ALMS1: variants seen among roughly 807,000 people sequenced by gnomAD.
ALMS1 encodes ALMS1 centrosome and basal body associated protein, also known as centrosome-associated protein ALMS1.
A neutral mutation model predicts 352.2 loss-of-function variants in ALMS1; 271 were observed. That is an observed-to-expected ratio of 0.77 (90% confidence interval 0.70 to 0.85). The LOEUF is 0.85. ALMS1 is among the 40% of genes least tolerant of loss of function. The pLI is 0.00. For synonymous variants in ALMS1, 1,865 were observed against 1,761.2 expected (o/e 1.06, Z -1.48); for missense variants, 5,445 against 4,870.7 (o/e 1.12, Z -3.51).
At chr2:73,416,756 A>G (rs906987386) in intron 2 of ALMS1, among the ~76,000 whole-genome samples, 3 of 150,170 alleles carry the variant, frequency 2.0e-5, no homozygotes, top group African/African-American at 4.9e-5. Flanking sequence ...ATATAATGCC[A>G]CTTTCTCATG....
intron 6 of ALMS1, among the ~76,000 whole-genome samples, chr2:73,431,029 G>A (rs1050386419): frequency 6.6e-6 from 1 of 152,098 alleles, no homozygotes; most frequent in Non-Finnish European, 1.5e-5. Context: ...CTTCTTAGCA[G>A]CCTTATCATT....
chr2:73,556,650 T>G (rs1483458376), intron 13 of ALMS1, among the ~76,000 whole-genome samples: 1 of 151,770 alleles, frequency 6.6e-6, no homozygotes, highest in East Asian at 1.9e-4. Flanking sequence ...TTTTTGTTTT[T>G]TTTTTTACTG....
chr2:73,587,484 A>G (rs189572302), intron 16 of ALMS1, among the ~76,000 whole-genome samples: 23 of 152,290 alleles, frequency 1.5e-4, no homozygotes, highest in South Asian at 1.4e-3. Context: ...TTTTAATTAT[A>G]AAGTGATGCT....
chr2:73,488,431 C>T (rs924455069), intron 9 of ALMS1, among the ~76,000 whole-genome samples: 2 of 152,208 alleles, frequency 1.3e-5, no homozygotes, highest in African/African-American at 2.4e-5. Context: ...TGGGAGCAGG[C>T]ACTTCTGAGC....
At chr2:73,545,367 G>GA (rs1045007378) in intron 12 of ALMS1, among the ~76,000 whole-genome samples, 3 of 151,984 alleles carry the variant, frequency 2.0e-5, no homozygotes, top group African/African-American at 7.3e-5. Flanking sequence ...TTTTAGCAGA[G>GA]ATGGGGTTTC....
intron 1 of ALMS1, among the ~76,000 whole-genome samples, chr2:73,399,322 AT>A (rs1558630082): frequency 6.6e-6 from 1 of 152,086 alleles, no homozygotes; most frequent in African/African-American, 2.4e-5. Flanking sequence ...TTGTGTTGCT[AT>A]GAAGAAACAC....
intron 9 of ALMS1, among the ~76,000 whole-genome samples, chr2:73,464,194 C>CA (rs1248303996): frequency 6.6e-6 from 1 of 152,136 alleles, no homozygotes; most frequent in Admixed American, 6.5e-5. Flanking sequence ...CAAAAATCCT[C>CA]AATAAAATAC....
chr2:73,558,285 G>T (rs1054317575), intron 14 of ALMS1, among the ~76,000 whole-genome samples: 5 of 152,320 alleles, frequency 3.3e-5, no homozygotes, highest in African/African-American at 1.2e-4. Flanking sequence ...AAACATTTTA[G>T]AACATGATTA....
At chr2:73,417,625 C>G (rs1671202921) in intron 2 of ALMS1, among the ~76,000 whole-genome samples, 1 of 151,512 alleles carries the variant, frequency 6.6e-6, no homozygotes, top group African/African-American at 2.4e-5. Context: ...CGCTTTAGCC[C>G]AGAGTTTGAG....
chr2:73,563,549 C>T (rs186605338), intron 15 of ALMS1, among the ~76,000 whole-genome samples: 31 of 151,696 alleles, frequency 2.0e-4, no homozygotes, highest in African/African-American at 7.0e-4. Flanking sequence ...GGTGGAACCC[C>T]GTCTCTACTA....
chr2:73,437,514 A>G (rs574729736), intron 7 of ALMS1, among the ~76,000 whole-genome samples: 1 of 152,298 alleles, frequency 6.6e-6, no homozygotes, highest in East Asian at 1.9e-4. Flanking sequence ...GCTAACATCA[A>G]CAGCCAGTGT....
At chr2:73,480,723 C>T (rs1672682082) in intron 9 of ALMS1, among the ~76,000 whole-genome samples, 3 of 149,972 alleles carry the variant, frequency 2.0e-5, no homozygotes, top group Admixed American at 6.7e-5. Flanking sequence ...TTCTCCACAT[C>T]CTCTCCAGCA....
At chr2:73,523,443 G>A (rs1194763441) in intron 11 of ALMS1, among the ~76,000 whole-genome samples, 1 of 152,062 alleles carries the variant, frequency 6.6e-6, no homozygotes, top group African/African-American at 2.4e-5. Context: ...AGTTGCCAAA[G>A]ATGGTGACAC....
In ALMS1 at chr2:73,573,335, C is replaced by G; in HGVS notation, c.11458C>G (p.Leu3820Val). 1 of 1,614,034 alleles carries G rather than the reference C, an allele frequency of 6.2e-7. No individual in the cohort carries two copies. Among genetic ancestry groups the G allele is most frequent in the African/African-American group, 1.3e-5 (1 of 75,006 alleles). The stretch of plus-strand genomic sequence containing the variant: ...CATCACCAACCAACAGAGGAGATAC[C>G]TTGAGAAGCGGAGCAAACACAGCAA... ...SSITNQQRRY[L>V]EKRSKHSKKV... The change falls in exon 16 of 23, where the codon CTT becomes GTT. Residue 3820 changes from leucine (L) to valine (V), a missense_variant. Leu to Val is a conservative substitution (Grantham distance 32, BLOSUM62 1). Transcript: ENST00000613296.
At chr2:73,508,777 G>GT (rs1420287727) in intron 10 of ALMS1, among the ~76,000 whole-genome samples, 1 of 152,118 alleles carries the variant, frequency 6.6e-6, no homozygotes, top group African/African-American at 2.4e-5. Flanking sequence ...GAATATCCTT[G>GT]TTAATTTTCT....
Position 73,453,495 on chromosome 2 carries a change from C to T in ALMS1, c.6968C>T (p.Thr2323Ile), listed in dbSNP as rs1671994565. The T allele has an allele frequency of 6.2e-7, 1 of 1,613,448 alleles. No homozygotes were observed. Among genetic ancestry groups the T allele is most frequent in the African/African-American group, 1.3e-5 (1 of 74,882 alleles). Residue 2323 changes from threonine (T) to isoleucine (I), a missense_variant, in exon 8 of 23, where the codon ACA becomes ATA. Thr to Ile is a moderately conservative substitution (Grantham distance 89). Coordinates refer to ENST00000613296, the MANE Select transcript of ALMS1 (RefSeq NM_001378454.1). ...NGDLLHRQPFTEESPSSRCIQ... is the reference protein window; with the variant it reads ...NGDLLHRQPFIEESPSSRCIQ... ...GATTTGCTTCACAGACAGCCATTCA[C>T]AGAGGAAAGCCCAAGCAGCAGGTGC...
At chr2:73,598,585 ACCCT>A (rs1450272898) in intron 16 of ALMS1, among the ~76,000 whole-genome samples, 1 of 152,094 alleles carries the variant, frequency 6.6e-6, no homozygotes, top group African/African-American at 2.4e-5. Context: ...TCCTATCCTT[ACCCT>A]GGCTTTAATT....
chr2:73,472,780 C>T (rs904187537), intron 9 of ALMS1, among the ~76,000 whole-genome samples: 2 of 151,958 alleles, frequency 1.3e-5, no homozygotes, highest in Non-Finnish European at 2.9e-5. Flanking sequence ...ATCTTGCTCT[C>T]AAAAAATTGT....
intron 16 of ALMS1, among the ~76,000 whole-genome samples, chr2:73,598,626 A>G (rs1241228833): frequency 6.6e-6 from 1 of 152,170 alleles, no homozygotes; most frequent in Non-Finnish European, 1.5e-5. Context: ...GCCTAAGTAG[A>G]AAATTCCCTA....
Sources: allele counts gnomAD v4.1 joint callset (sites outside exome capture counted in the v4.1 genomes callset), GRCh38; gene constraint gnomAD v4.1.1; transcripts MANE v1.5; gene names NCBI Gene and HGNC (gene_info 2026-07-23, HGNC 2026-07-21).